Variants in NUDT3 observed in about 807,000 individuals in gnomAD.
The protein encoded by NUDT3 is nudix hydrolase 3.
A neutral mutation model predicts 23.6 loss-of-function variants in NUDT3; 9 were observed. That is an observed-to-expected ratio of 0.38 (90% CI 0.23 to 0.66). The LOEUF (loss-of-function observed/expected upper bound fraction) is 0.66. Ranked by LOEUF, NUDT3 falls within the 30% of genes least tolerant of loss-of-function variation. NUDT3 has a pLI of 0.52. For missense variants in NUDT3, 172 were observed against 218.5 expected, an observed-to-expected ratio of 0.79 and a Z score of 1.34; for synonymous variants, 86 against 82.6, an observed-to-expected ratio of 1.04 and a Z score of -0.22.
At chr6:34,307,938 G>C (rs184362583) in intron 2 of NUDT3, among the ~76,000 whole-genome samples, 8 of 151,554 alleles carry the variant, frequency 5.3e-5, no homozygotes, top group Admixed American at 1.3e-4. Flanking sequence ...AGCCAACATG[G>C]TGAAACCCCA....
rs556815491 is a variant in NUDT3 at position 34,329,643 on chromosome 6, A to G, written c.210+12219T>C. ...GGTACAGGAATTAGGATGAGAAGAT[A>G]CTTAAAAAAAAATTTTTTTTTATTA... On this transcript the variant is annotated intron_variant, in intron 2 of 4. Coordinates refer to ENST00000607016, the MANE Select transcript of NUDT3 (RefSeq NM_006703.4). 2.0e-5 allele frequency among the ~76,000 whole-genome samples: 3 copies of G among 152,272 alleles called. No homozygotes were observed. In the South Asian group the frequency reaches 6.2e-4, roughly 32 times the overall value.
chr6:34,340,056 G>A (rs907692615), intron 2 of NUDT3, among the ~76,000 whole-genome samples: 3 of 152,124 alleles, frequency 2.0e-5, no homozygotes, highest in Non-Finnish European at 4.4e-5. Context: ...ACCCTTTGGG[G>A]AAAATTTCTT....
chr6:34,344,706 C>T (rs993525318), intron 1 of NUDT3, among the ~76,000 whole-genome samples: 1 of 151,738 alleles, frequency 6.6e-6, no homozygotes, highest in Non-Finnish European at 1.5e-5. Context: ...GGCTGGAGTG[C>T]AGTGGTGCAA....
At chr6:34,295,018 G>C (rs1211978661) in intron 3 of NUDT3, among the ~76,000 whole-genome samples, 1 of 151,874 alleles carries the variant, frequency 6.6e-6, no homozygotes, top group Non-Finnish European at 1.5e-5. Context: ...TCCTCTCTTT[G>C]TTATAGTTAC....
intron 1 of NUDT3, among the ~76,000 whole-genome samples, chr6:34,363,981 C>T (rs1228670527): frequency 5.9e-5 from 9 of 152,044 alleles, no homozygotes; most frequent in Admixed American, 5.2e-4. Flanking sequence ...CCACGGTTGT[C>T]GCCCAACGTC....
intron 1 of NUDT3, among the ~76,000 whole-genome samples, chr6:34,351,063 T>G (rs902047840): frequency 1.4e-5 from 2 of 148,110 alleles, no homozygotes; most frequent in African/African-American, 5.1e-5. Context: ...AAAGAACACT[T>G]TGGTGGCCAG....
At chr6:34,352,032 A>G (rs1046954345) in intron 1 of NUDT3, among the ~76,000 whole-genome samples, 1 of 151,680 alleles carries the variant, frequency 6.6e-6, no homozygotes, top group Non-Finnish European at 1.5e-5. Flanking sequence ...CTGTCTCCAC[A>G]AAAAAAACAA....
At chr6:34,354,873 T>C (rs77773100) in intron 1 of NUDT3, among the ~76,000 whole-genome samples, 2,472 of 150,972 alleles carry the variant, frequency 0.016, 68 homozygotes, top group African/African-American at 0.057. Flanking sequence ...ATACTTTATA[T>C]TCTATGCCAT....
chr6:34,329,940 G>T (rs1764102973), intron 2 of NUDT3, among the ~76,000 whole-genome samples: 1 of 152,100 alleles, frequency 6.6e-6, no homozygotes, highest in Non-Finnish European at 1.5e-5. Context: ...CAGAATGATG[G>T]TTTCCAGCTT....
At chr6:34,348,191 C>A (rs1164565645) in intron 1 of NUDT3, among the ~76,000 whole-genome samples, 1 of 151,622 alleles carries the variant, frequency 6.6e-6, no homozygotes, top group Non-Finnish European at 1.5e-5. Context: ...GAGGGTGAGG[C>A]AGGAGAATCG....
intron 1 of NUDT3, among the ~76,000 whole-genome samples, chr6:34,349,089 C>T (rs149292450): frequency 8.5e-5 from 13 of 152,062 alleles, no homozygotes; most frequent in African/African-American, 2.4e-4. Flanking sequence ...TTTGTAGAGA[C>T]GGTGTTTTGC....
chr6:34,293,928 GACAC>G, intron 3 of NUDT3, among the ~76,000 whole-genome samples: 1 of 151,782 alleles, frequency 6.6e-6, no homozygotes, highest in East Asian at 1.9e-4. Flanking sequence ...AGCTGAGTGT[GACAC>G]ACACACACAC....
chr6:34,372,353 C>G (rs180942231), intron 1 of NUDT3, among the ~76,000 whole-genome samples: 15 of 152,258 alleles, frequency 9.9e-5, no homozygotes, highest in African/African-American at 3.1e-4. Context: ...AGTTTACAGT[C>G]CCACCAACAG....
At chr6:34,376,001 T>C (rs1280189964) in intron 1 of NUDT3, among the ~76,000 whole-genome samples, 1 of 152,154 alleles carries the variant, frequency 6.6e-6, no homozygotes, top group African/African-American at 2.4e-5. Context: ...TTGTGCTAAC[T>C]TTCTATTCTC....
chr6:34,359,065 T>TA (rs1319593276), intron 1 of NUDT3, among the ~76,000 whole-genome samples: 12 of 152,062 alleles, frequency 7.9e-5, no homozygotes, highest in Admixed American at 6.6e-4. Flanking sequence ...AAAACCTAAG[T>TA]AACGACCACA....
At chr6:34,358,499 G>A (rs1411566272) in intron 1 of NUDT3, among the ~76,000 whole-genome samples, 1 of 151,802 alleles carries the variant, frequency 6.6e-6, no homozygotes, top group African/African-American at 2.4e-5. Context: ...TCCATCCTAT[G>A]GCTTATTATT....
chr6:34,342,424 C>T (rs1764303044), intron 1 of NUDT3, among the ~76,000 whole-genome samples: 1 of 152,116 alleles, frequency 6.6e-6, no homozygotes, highest in Non-Finnish European at 1.5e-5. Context: ...AAGTTTCTCA[C>T]CCATGAACTG....
chr6:34,313,290 T>C (rs182174476), intron 2 of NUDT3, among the ~76,000 whole-genome samples: 6 of 152,236 alleles, frequency 3.9e-5, no homozygotes, highest in Admixed American at 2.6e-4. Context: ...CTATAAGACA[T>C]TCTAGGAGAA....
At chr6:34,312,969 C>G (rs1171604161) in intron 2 of NUDT3, among the ~76,000 whole-genome samples, 4 of 151,998 alleles carry the variant, frequency 2.6e-5, no homozygotes, top group Non-Finnish European at 5.9e-5. Context: ...GAGTTTGAGA[C>G]CAGCCTGGCC....
Sources: gnomAD v4.1 joint callset for allele counts (sites outside exome capture counted in the v4.1 genomes callset) on GRCh38, gnomAD v4.1.1 for gene constraint, MANE v1.5 for transcripts, NCBI Gene and HGNC (gene_info 2026-07-23, HGNC 2026-07-21) for gene names.